The following ANP32A variants were observed in gnomAD, a reference collection of about 807,000 sequenced individuals.
ANP32A encodes acidic nuclear phosphoprotein 32 family member A.
A neutral mutation model predicts 33.9 loss-of-function variants in ANP32A; 1 was observed. The ratio of observed to expected loss-of-function variants is 0.03; its 90% CI spans 0.01 to 0.14. ANP32A has a LOEUF of 0.14. Ranked by LOEUF, ANP32A falls within the 10% of genes least tolerant of loss-of-function variation. The pLI, the probability that ANP32A is intolerant of heterozygous loss-of-function variation, is 1.00. For missense variants in ANP32A, 155 were observed against 306.0 expected (o/e 0.51, Z 3.68); for synonymous variants, 115 against 120.5 (o/e 0.95, Z 0.30).
chr15:68,818,968 G>C (rs1442616949), intron 1 of ANP32A, among the ~76,000 whole-genome samples: 2 of 151,980 alleles, frequency 1.3e-5, no homozygotes, highest in Non-Finnish European at 2.9e-5. Context: ...CCTCTCCCGC[G>C]GCCGCCCCCT....
rs1219469044 is a variant in ANP32A at position 68,784,594 on chromosome 15, T to C, written c.329A>G (p.Lys110Arg). The change falls in exon 4 of 7, where the codon AAA becomes AGA. Residue 110 changes from lysine to arginine, a missense_variant and splice_region_variant. Lys to Arg is a conservative substitution (Grantham distance 26). This residue lies in a region of ANP32A where 85 missense variants were observed against 183.8 expected (regional missense o/e 0.46). Coordinates refer to ENST00000465139, the MANE Select transcript of ANP32A (RefSeq NM_006305.4). ...IKDLSTIEPLKKLENLKSLDL... is the reference protein window; with the variant it reads ...IKDLSTIEPLRKLENLKSLDL... ...TAAGCTCTTGAGGTTTTCTAACTTT[T>C]TCTGCAAGCGGAAAAATGAAGCCAA... 6.2e-7 allele frequency: 1 copy of C among 1,614,108 alleles called. No homozygotes were observed. Among genetic ancestry groups the C allele is most frequent in the Non-Finnish European group, 8.5e-7 (1 of 1,180,022 alleles).
intron 1 of ANP32A, among the ~76,000 whole-genome samples, chr15:68,803,040 A>C (rs1894160265): frequency 6.6e-6 from 1 of 152,114 alleles, no homozygotes; most frequent in South Asian, 2.1e-4. Context: ...CAGGCACTAC[A>C]CCAGGTGCTG....
At chr15:68,802,790 T>A (rs1289442093) in intron 1 of ANP32A, among the ~76,000 whole-genome samples, 1 of 152,028 alleles carries the variant, frequency 6.6e-6, no homozygotes, top group African/African-American at 2.4e-5. Context: ...GTAGCTGGGA[T>A]TACAGGTATG....
chr15:68,818,957 T>G (rs1894431640), intron 1 of ANP32A, among the ~76,000 whole-genome samples: 1 of 149,688 alleles, frequency 6.7e-6, no homozygotes. Context: ...CGGCGCCCCC[T>G]CCTCTCCCGC....
At chr15:68,788,164 CA>C in intron 1 of ANP32A, among the ~76,000 whole-genome samples, 1 of 152,176 alleles carries the variant, frequency 6.6e-6, no homozygotes, top group Non-Finnish European at 1.5e-5. Flanking sequence ...GCTGCAGAAC[CA>C]GGGGGCCACT....
At chr15:68,794,806 G>A (rs1351804981) in intron 1 of ANP32A, among the ~76,000 whole-genome samples, 1 of 152,144 alleles carries the variant, frequency 6.6e-6, no homozygotes, top group African/African-American at 2.4e-5. Context: ...AAGCTAGAAG[G>A]GCCTTAGGGA....
chr15:68,812,983 T>C (rs1254406300), intron 1 of ANP32A: 4 of 152,356 alleles, frequency 2.6e-5, no homozygotes, highest in East Asian at 3.9e-4. Flanking sequence ...AAGTCTTTAA[T>C]AGTTCTCTGG....
At chr15:68,805,648 T>A (rs76302603) in intron 1 of ANP32A, among the ~76,000 whole-genome samples, 1 of 152,278 alleles carries the variant, frequency 6.6e-6, no homozygotes, top group East Asian at 1.9e-4. Context: ...GGGCCTTAGC[T>A]TGTTTATTGG....
intron 1 of ANP32A, among the ~76,000 whole-genome samples, chr15:68,818,715 C>A (rs1039363939): frequency 7.9e-5 from 12 of 152,092 alleles, no homozygotes; most frequent in Admixed American, 5.2e-4. Flanking sequence ...GTTCGCCAGG[C>A]CAGCCGCGCC....
chr15:68,780,103 T>C lies in ANP32A; in HGVS notation c.728A>G (p.Asp243Gly), dbSNP rs1288082671. 6.2e-7 allele frequency: 1 copy of C among 1,613,718 alleles called. No individual in the cohort carries two copies. The highest frequency in any genetic ancestry group is 8.5e-7 in the Non-Finnish European group (1 of 1,179,704). Residue 243 changes from aspartate to glycine, a missense_variant, in exon 7 of 7, where the codon GAT becomes GGT. This residue lies in a region of ANP32A where 63 missense variants were observed against 82.8 expected (regional missense o/e 0.76). Transcript: ENST00000465139. This position sits in a 1 kb window ranked among gnomAD's most constrained non-coding sequence, Gnocchi z 4.3. ...CACTTAGTCATCATCTTCTCCCTCA[T>C]CTTCAGGTTCTCGTTTTCGCTTCTG... ...RGQKRKREPE[D>G]EGEDDD
chr15:68,780,296 AG>A lies in ANP32A; in HGVS notation c.688+113del. 1 of 1,573,322 alleles carries A rather than the reference AG, an allele frequency of 6.4e-7. No homozygotes were observed. ...TCTGCACAGCTGGAAGGGGAATCTG[AG>A]GCCTCTGACAGGAGTGTCCTGCCCA... On this transcript the variant is annotated intron_variant, in intron 6 of 6. Coordinates refer to ENST00000465139, the MANE Select transcript of ANP32A (RefSeq NM_006305.4). The surrounding 1 kb of genome is among the most constrained non-coding windows in gnomAD (Gnocchi z 4.3).
chr15:68,807,866 C>T (rs1184523554), intron 1 of ANP32A, among the ~76,000 whole-genome samples: 1 of 152,142 alleles, frequency 6.6e-6, no homozygotes, highest in Non-Finnish European at 1.5e-5. Flanking sequence ...AAAAGGTCCA[C>T]GGCCTCTCAA....
intron 3 of ANP32A, among the ~76,000 whole-genome samples, chr15:68,786,662 C>G (rs1166960040): frequency 6.6e-6 from 1 of 152,200 alleles, no homozygotes; most frequent in Non-Finnish European, 1.5e-5. Context: ...CATCTTACAG[C>G]TGATTTCCTT....
At chr15:68,783,074 A>G in intron 4 of ANP32A, 21 bp from the exon 5 acceptor site, 1 of 1,551,612 alleles carries the variant, frequency 6.4e-7, no homozygotes, top group Non-Finnish European at 8.7e-7. Flanking sequence ...GAAATGGGGA[A>G]CGGAAACAGA....
At chr15:68,802,520 G>A (rs898778641) in intron 1 of ANP32A, among the ~76,000 whole-genome samples, 9 of 152,034 alleles carry the variant, frequency 5.9e-5, no homozygotes, top group African/African-American at 1.5e-4. Flanking sequence ...AATCTTTTGT[G>A]TAATAAATAA....
chr15:68,820,001 A>G (rs958564473), intron 1 of ANP32A, among the ~76,000 whole-genome samples: 1 of 152,132 alleles, frequency 6.6e-6, no homozygotes, highest in African/African-American at 2.4e-5. Context: ...CGAACACTAC[A>G]AAGTTACAAA....
At chr15:68,808,600 T>C (rs908677616) in intron 1 of ANP32A, among the ~76,000 whole-genome samples, 6 of 152,224 alleles carry the variant, frequency 3.9e-5, no homozygotes, top group Admixed American at 2.6e-4. Context: ...TCCATTCAGT[T>C]ACACCACTTA....
rs3214818 is a variant in ANP32A at position 68,780,007 on chromosome 15, A to AGGGGG, written c.*69_*73dup. 2.2e-5 allele frequency: 23 copies of AGGGGG among 1,061,058 alleles called. No homozygotes were observed. The highest frequency in any genetic ancestry group is 9.9e-5 in the Admixed American group (4 of 40,392). 65.7% of individuals were successfully genotyped at this position (1,061,058 alleles called of 1,614,324 possible). ...AATAAGTTTCAGGGGGCAGGATTGG[A>AGGGGG]GGGGGGGGGGAGAGGGGATATGGGT... On this transcript the variant is annotated 3_prime_UTR_variant, in exon 7 of 7. Transcript: ENST00000465139. This position sits in a 1 kb window ranked among gnomAD's most constrained non-coding sequence, Gnocchi z 4.3.
chr15:68,800,752 A>AAAAAAAAAG, intron 1 of ANP32A, among the ~76,000 whole-genome samples: 1 of 150,394 alleles, frequency 6.6e-6, no homozygotes, highest in Non-Finnish European at 1.5e-5. Flanking sequence ...TCAAAAAAAA[A>AAAAAAAAAG]AAAAAGAAAG....
Sources: gnomAD v4.1 joint callset for allele counts (sites outside exome capture counted in the v4.1 genomes callset) on GRCh38, gnomAD v4.1.1 for gene constraint, gnomAD v4.1.1 regional missense constraint, Gnocchi (gnomAD v3.1) non-coding constraint, MANE v1.5 for transcripts, NCBI Gene and HGNC (gene_info 2026-07-23, HGNC 2026-07-21) for gene names.